Variants in TRAPPC12 observed in about 807,000 individuals in gnomAD.
TRAPPC12 encodes the protein TPR repeat protein 15.
A neutral mutation model predicts 69.2 loss-of-function variants in TRAPPC12; 61 were observed. The ratio of observed to expected loss-of-function variants is 0.88; its 90% CI spans 0.72 to 1.09. The LOEUF is 1.09. Among genes scored for constraint, TRAPPC12 ranks in the 50% least tolerant of loss-of-function variants. The probability of loss-of-function intolerance (pLI) is 0.00; values close to 1 mark genes in which losing one functional copy is unlikely to be tolerated. For synonymous variants in TRAPPC12, 469 were observed against 438.9 expected (o/e 1.07, Z -0.86); for missense variants, 1,101 against 1,016.4 (o/e 1.08, Z -1.13).
chr2:3,453,354 G>A (rs1664954538), intron 6 of TRAPPC12, among the ~76,000 whole-genome samples: 1 of 152,232 alleles, frequency 6.6e-6, no homozygotes, highest in African/African-American at 2.4e-5. Context: ...GGAATGTGCA[G>A]GAAGGTGCCT....
intron 9 of TRAPPC12, among the ~76,000 whole-genome samples, chr2:3,469,367 A>AT (rs1489598990): frequency 6.6e-6 from 1 of 152,268 alleles, no homozygotes; most frequent in African/African-American, 2.4e-5. Context: ...TACGTATATT[A>AT]GTAACTGTCC....
chr2:3,387,970 G>A lies in TRAPPC12; in HGVS notation c.347G>A (p.Gly116Asp). ...CCGAGTCCCAGCGGCGAGGCCGACG[G>A]CGACTGTGCCCCCGAGGACGCGGCA... ...GTPSPSGEADGDCAPEDAAPS... is the reference protein window; with the variant it reads ...GTPSPSGEADDDCAPEDAAPS... Residue 116 changes from glycine to aspartate, a missense_variant, in exon 2 of 12, where the codon GGC (glycine) becomes GAC (aspartate). Gly to Asp is a moderately conservative substitution (Grantham distance 94). Coordinates refer to ENST00000324266, the MANE Select transcript of TRAPPC12 (RefSeq NM_016030.6). 2.0e-6 allele frequency: 3 copies of A among 1,477,236 alleles called. No individual in the cohort carries two copies. Among genetic ancestry groups the A allele is most frequent in the South Asian group, 1.3e-5 (1 of 75,460 alleles). 91.5% of individuals were successfully genotyped at this position (1,477,236 alleles called of 1,614,324 possible). A position where few individuals can be genotyped will look rare whatever the true frequency, so the allele number is the denominator to read the frequency against.
At chr2:3,458,547 T>A (rs977531651) in intron 7 of TRAPPC12, 1 of 728,824 alleles carries the variant, frequency 1.4e-6, no homozygotes. Flanking sequence ...GGATGTTGGG[T>A]GTGCATGCTG....
At chr2:3,477,937 A>T in intron 10 of TRAPPC12, 142 bp downstream of exon 10, 1 of 537,690 alleles carries the variant, frequency 1.9e-6, no homozygotes, top group Non-Finnish European at 3.3e-6. Context: ...GCGGAGACCC[A>T]AGGAGTATAC....
intron 2 of TRAPPC12, among the ~76,000 whole-genome samples, chr2:3,392,983 G>A (rs1278836684): frequency 6.6e-6 from 1 of 152,168 alleles, no homozygotes; most frequent in African/African-American, 2.4e-5. Flanking sequence ...AGTGGCTCAC[G>A]CCCATAATCC....
chr2:3,436,536 T>G (rs1288509628), intron 5 of TRAPPC12, among the ~76,000 whole-genome samples: 1 of 152,104 alleles, frequency 6.6e-6, no homozygotes, highest in Admixed American at 6.5e-5. Context: ...ATAAAAATTT[T>G]GCATTAGCGT....
intron 2 of TRAPPC12, 49 bp from the exon 3 acceptor site, chr2:3,401,728 T>G: frequency 7.6e-7 from 1 of 1,317,574 alleles, no homozygotes; most frequent in Non-Finnish European, 1.0e-6. Context: ...TTAGCTGAGT[T>G]TAGTTGACAT....
chr2:3,446,329 T>C (rs139339369), intron 6 of TRAPPC12, among the ~76,000 whole-genome samples: 5 of 152,382 alleles, frequency 3.3e-5, no homozygotes, highest in African/African-American at 1.2e-4. Context: ...AGGTGTGTGT[T>C]GGTCTTCACC....
At chr2:3,417,278 G>A (rs1175204672) in intron 3 of TRAPPC12, among the ~76,000 whole-genome samples, 1 of 152,048 alleles carries the variant, frequency 6.6e-6, no homozygotes, top group Non-Finnish European at 1.5e-5. Context: ...TGTTTTATTG[G>A]TTAGTTTGTT....
intron 3 of TRAPPC12, chr2:3,421,665 C>A (rs1052017611): frequency 1.4e-6 from 1 of 713,850 alleles, no homozygotes; most frequent in African/African-American, 1.7e-5. Flanking sequence ...CTGTACCTCA[C>A]GCTTGGCTCT....
At chr2:3,471,423 C>T (rs923663033) in intron 9 of TRAPPC12, among the ~76,000 whole-genome samples, 1 of 152,170 alleles carries the variant, frequency 6.6e-6, no homozygotes, top group Non-Finnish European at 1.5e-5. Flanking sequence ...TCAGCGCACC[C>T]GCCAGACAGG....
At chr2:3,454,388 G>A (rs1388183414) in intron 6 of TRAPPC12, among the ~76,000 whole-genome samples, 5 of 145,494 alleles carry the variant, frequency 3.4e-5, no homozygotes, top group African/African-American at 5.2e-5. Context: ...CTACCCCTGC[G>A]CCTTCCCAGC....
chr2:3,401,171 C>T (rs1327476789), intron 2 of TRAPPC12, among the ~76,000 whole-genome samples: 2 of 152,224 alleles, frequency 1.3e-5, no homozygotes, highest in Non-Finnish European at 2.9e-5. Context: ...CGAGGACCTG[C>T]TGTGAAAGGG....
At chr2:3,405,457 T>C (rs964482287) in intron 3 of TRAPPC12, among the ~76,000 whole-genome samples, 1 of 152,184 alleles carries the variant, frequency 6.6e-6, no homozygotes, top group African/African-American at 2.4e-5. Context: ...CCGTCGGATC[T>C]ACACACCGTG....
intron 1 of TRAPPC12, among the ~76,000 whole-genome samples, chr2:3,380,881 G>T (rs1219773820): frequency 6.6e-6 from 1 of 152,172 alleles, no homozygotes; most frequent in African/African-American, 2.4e-5. Flanking sequence ...TTATTCTGAT[G>T]TACCATCTAA....
intron 8 of TRAPPC12, among the ~76,000 whole-genome samples, chr2:3,463,678 C>G (rs776754889): frequency 1.9e-4 from 29 of 151,888 alleles, no homozygotes; most frequent in Non-Finnish European, 3.7e-4. Flanking sequence ...TGCGCCCCCA[C>G]CACGCCCCCA....
intron 6 of TRAPPC12, chr2:3,449,434 A>G (rs919779657): frequency 6.6e-6 from 1 of 152,392 alleles, no homozygotes; most frequent in Non-Finnish European, 1.5e-5. Context: ...ACGTTCATCC[A>G]AGTGCTTCTT....
chr2:3,390,957 C>G (rs1431857602), intron 2 of TRAPPC12, among the ~76,000 whole-genome samples: 1 of 152,084 alleles, frequency 6.6e-6, no homozygotes, highest in African/African-American at 2.4e-5. Context: ...ATTGTAAAAT[C>G]TATTTTTAAA....
rs1214504614 is a variant in TRAPPC12, at chr2:3,465,929, T to C, written c.1776+234T>C. On this transcript the variant is annotated intron_variant, in intron 9 of 11. Transcript: ENST00000324266. The stretch of plus-strand genomic sequence containing the variant: ...AAATGTGAACCCACAGAAAGTGTCA[T>C]CACAGCCACACTGAAATGAGTTACT... The C allele has an allele frequency of 3.3e-5, 19 of 572,730 alleles. No individual in the cohort carries two copies. In the East Asian group the frequency reaches 5.6e-4, roughly 17 times the overall value. The allele number at this position is 572,730 out of a possible 1,614,324, so 35.5% of individuals were successfully genotyped here.
Sources: gnomAD v4.1 joint callset for allele counts (sites outside exome capture counted in the v4.1 genomes callset) on GRCh38, gnomAD v4.1.1 for gene constraint, MANE v1.5 for transcripts, NCBI Gene and HGNC (gene_info 2026-07-23, HGNC 2026-07-21) for gene names.